Variants in PITPNM2 observed in about 807,000 individuals in gnomAD.
The protein encoded by PITPNM2 is membrane-associated phosphatidylinositol transfer protein 2.
In PITPNM2, 35 loss-of-function variants were observed where a neutral mutation model predicts 132.2. The ratio of observed to expected loss-of-function variants is 0.26; its 90% CI spans 0.20 to 0.35. The LOEUF (loss-of-function observed/expected upper bound fraction) is 0.35. Among genes scored for constraint, PITPNM2 ranks in the 10% least tolerant of loss-of-function variants. The pLI, the probability that PITPNM2 is intolerant of heterozygous loss-of-function variation, is 1.00. For missense variants in PITPNM2, 1,332 were observed against 1,912.0 expected (o/e 0.70, Z 5.66); for synonymous variants, 738 against 799.2 (o/e 0.92, Z 1.29).
rs757013300 is a variant in PITPNM2, at chr12:123,005,214, G to C, written c.952+26C>G. On this transcript the variant is annotated intron_variant, in intron 7 of 25. Transcript: ENST00000320201. The surrounding 1 kb of genome is among the most constrained non-coding windows in gnomAD (Gnocchi z 6.2). Reference sequence around the variant, plus strand: ...CCTTGAGGGGAGGGACCTTGAGTGTGGGTGGCAGGTGGCGCAGGGCCTTAC... The same window carrying C: ...CCTTGAGGGGAGGGACCTTGAGTGTCGGTGGCAGGTGGCGCAGGGCCTTAC... 6.3e-7 allele frequency: 1 copy of C among 1,597,724 alleles called. No individual in the cohort carries two copies. The highest frequency in any genetic ancestry group is 1.7e-5 in the Admixed American group (1 of 59,010).
At chr12:123,143,587 C>A (rs922132210) in intron 1 of PITPNM2, among the ~76,000 whole-genome samples, 14 of 152,162 alleles carry the variant, frequency 9.2e-5, no homozygotes, top group Non-Finnish European at 1.6e-4. Flanking sequence ...CCCCAGGAAC[C>A]CCCCATCTTG....
chr12:123,125,050 T>G (rs1296300410), intron 1 of PITPNM2, among the ~76,000 whole-genome samples: 1 of 152,150 alleles, frequency 6.6e-6, no homozygotes, highest in African/African-American at 2.4e-5. Context: ...CTTGATCTCT[T>G]GGGCTCCCTT....
chr12:123,131,405 G>A (rs902423742), intron 1 of PITPNM2, among the ~76,000 whole-genome samples: 2 of 152,176 alleles, frequency 1.3e-5, no homozygotes, highest in Non-Finnish European at 2.9e-5. Flanking sequence ...TACTCGTTGC[G>A]GTCTCTAGAA....
At chr12:123,015,690 T>C (rs961212794) in intron 3 of PITPNM2, among the ~76,000 whole-genome samples, 2 of 152,148 alleles carry the variant, frequency 1.3e-5, no homozygotes, top group Admixed American at 1.3e-4. Context: ...GACCTTGGAT[T>C]TGGCAATGCT....
intron 1 of PITPNM2, among the ~76,000 whole-genome samples, chr12:123,142,345 A>G (rs1277742307): frequency 6.6e-6 from 1 of 152,272 alleles, no homozygotes; most frequent in African/African-American, 2.4e-5. Context: ...CTCTGGACCA[A>G]TTAAGTAAGC....
rs2040211552 is a variant in PITPNM2, at chr12:123,034,713, C to T, written c.-95-28G>A. ...GGGAGACAGAGAGGACAGAACAGAA[C>T]AGTCACTTTCTGCAAAGGCTGGTGA... is the stretch of plus-strand genomic sequence containing the variant. On this transcript the variant is annotated intron_variant, in intron 2 of 25. Coordinates refer to ENST00000320201, the MANE Select transcript of PITPNM2 (RefSeq NM_020845.3). 8.8e-6 allele frequency: 7 copies of T among 791,794 alleles called. No individual in the cohort carries two copies. The Admixed American group carries it at 1.0e-4, about 12-fold the overall frequency. 49.0% of individuals were successfully genotyped at this position (791,794 alleles called of 1,614,324 possible).
At chr12:123,085,085 C>A (rs1306838369) in intron 2 of PITPNM2, among the ~76,000 whole-genome samples, 1 of 152,154 alleles carries the variant, frequency 6.6e-6, no homozygotes, top group Non-Finnish European at 1.5e-5. Context: ...AGAAATCAGG[C>A]CCTGAGATGA....
In PITPNM2 at chr12:123,004,312, A is replaced by G. The variant is rs915307122; in HGVS notation, c.1048+82T>C. 1.5e-6 allele frequency: 2 copies of G among 1,330,596 alleles called. No individual in the cohort carries two copies. The highest frequency in any genetic ancestry group is 2.1e-6 in the Non-Finnish European group (2 of 931,514). The allele number at this position is 1,330,596 out of a possible 1,614,324, so 82.4% of individuals were successfully genotyped here. ...TAACAGGCAACACCCGCATCAGTCC[A>G]CACCCACACCCTAAGCCCTTTCAGA... On this transcript the variant is annotated intron_variant, in intron 8 of 25. Coordinates refer to ENST00000320201, the MANE Select transcript of PITPNM2 (RefSeq NM_020845.3). This position sits in a 1 kb window ranked among gnomAD's most constrained non-coding sequence, Gnocchi z 4.9.
At chr12:123,148,078 T>C (rs994382083) in intron 1 of PITPNM2, among the ~76,000 whole-genome samples, 2 of 152,204 alleles carry the variant, frequency 1.3e-5, no homozygotes, top group African/African-American at 4.8e-5. Context: ...ATTATGGTTT[T>C]AGAGTAAACC....
In PITPNM2 at chr12:123,077,754, C is replaced by T. The variant is rs922360279; in HGVS notation, c.-96+32631G>A. 6.6e-6 allele frequency among the ~76,000 whole-genome samples: 1 copy of T among 152,220 alleles called. No individual in the cohort carries two copies. On this transcript the variant is annotated intron_variant, in intron 2 of 25. Transcript: ENST00000320201. The surrounding 1 kb of genome is among the most constrained non-coding windows in gnomAD (Gnocchi z 4.8). ...GAGCCTTCCTTGCTAATAAACCCATCCTGAGGCTGTGACATGTTTCAGAAG... is the reference window on the plus strand; with the variant it reads ...GAGCCTTCCTTGCTAATAAACCCATTCTGAGGCTGTGACATGTTTCAGAAG...
intron 10 of PITPNM2, among the ~76,000 whole-genome samples, chr12:122,999,372 C>T (rs2038560954): frequency 6.6e-6 from 1 of 152,212 alleles, no homozygotes; most frequent in Non-Finnish European, 1.5e-5. Context: ...GAGGGGGCCA[C>T]CAGCTGCCCA....
At chr12:123,149,471 A>G (rs1434262407) in intron 1 of PITPNM2, among the ~76,000 whole-genome samples, 1 of 152,146 alleles carries the variant, frequency 6.6e-6, no homozygotes, top group African/African-American at 2.4e-5. Flanking sequence ...ATTTAACAGC[A>G]ACAGTCCAGG....
intron 17 of PITPNM2, 88 bp downstream of exon 17, chr12:122,990,457 A>G (rs2038137088): frequency 6.5e-7 from 1 of 1,534,142 alleles, no homozygotes; most frequent in African/African-American, 1.4e-5. Context: ...CATCAGCTAG[A>G]AATGCTCCTA....
chr12:123,033,228 G>A (rs962737225), intron 3 of PITPNM2, among the ~76,000 whole-genome samples: 1 of 152,250 alleles, frequency 6.6e-6, no homozygotes, highest in South Asian at 2.1e-4. Context: ...GAGCCAGGCT[G>A]ACAGCAGGTT....
chr12:123,011,928 G>T (rs932041718), intron 5 of PITPNM2, among the ~76,000 whole-genome samples: 1 of 152,008 alleles, frequency 6.6e-6, no homozygotes, highest in Non-Finnish European at 1.5e-5. Flanking sequence ...AGCAGAGGTG[G>T]GGGGGTTGGG....
intron 2 of PITPNM2, among the ~76,000 whole-genome samples, chr12:123,039,175 C>T (rs889832872): frequency 2.0e-5 from 3 of 152,104 alleles, no homozygotes; most frequent in African/African-American, 7.2e-5. Flanking sequence ...GAGAGGATGG[C>T]TTGAGCACAG....
At chr12:123,021,720 A>G in intron 3 of PITPNM2, 2 of 984,740 alleles carry the variant, frequency 2.0e-6, no homozygotes, top group Non-Finnish European at 2.4e-6. Context: ...CCTCTCAGGG[A>G]GGTGGCAGAA....
chr12:122,990,433 G>A, intron 17 of PITPNM2, 112 bp downstream of exon 17: 1 of 1,448,084 alleles, frequency 6.9e-7, no homozygotes, highest in Non-Finnish European at 9.3e-7. Flanking sequence ...GCCAGCAGCA[G>A]CCCTCCCTAG....
Position 122,993,515 on chromosome 12 carries a change from G to C in PITPNM2, c.2234-846C>G, listed in dbSNP as rs1391369147. 1.3e-5 allele frequency among the ~76,000 whole-genome samples: 2 copies of C among 152,218 alleles called. No individual in the cohort carries two copies. Among genetic ancestry groups the C allele is most frequent in the Non-Finnish European group, 2.9e-5 (2 of 68,038 alleles). On this transcript the variant is annotated intron_variant, in intron 15 of 25. Transcript: ENST00000320201. The surrounding 1 kb of genome is among the most constrained non-coding windows in gnomAD (Gnocchi z 5.2). ...AAAAATGTTGGCGTCTTTCATGTCA[G>C]CACGTCTAGTTTCTCCTTGCTCTTT... is the stretch of plus-strand genomic sequence containing the variant.
Sources: allele counts gnomAD v4.1 joint callset (sites outside exome capture counted in the v4.1 genomes callset), GRCh38; gene constraint gnomAD v4.1.1; non-coding constraint Gnocchi (gnomAD v3.1); transcripts MANE v1.5; gene names NCBI Gene and HGNC (gene_info 2026-07-23, HGNC 2026-07-21).